Variants in GRIN2A observed in about 807,000 individuals in gnomAD.
GRIN2A encodes glutamate ionotropic receptor NMDA type subunit 2A, also known as glutamate receptor ionotropic, NMDA 2A.
Under a neutral mutation model 113.4 loss-of-function variants are expected in GRIN2A, and 22 were observed. The ratio of observed to expected loss-of-function variants is 0.19; its 90% CI spans 0.14 to 0.28. The LOEUF is 0.28. Among genes scored for constraint, GRIN2A ranks in the 10% least tolerant of loss-of-function variants. GRIN2A has a pLI of 1.00. For synonymous variants in GRIN2A, 827 were observed against 738.4 expected, an observed-to-expected ratio of 1.12 and a Z score of -1.94; for missense variants, 1,502 against 1,887.0, an observed-to-expected ratio of 0.80 and a Z score of 3.78.
chr16:9,835,928 G>A (rs1488826264), intron 7 of GRIN2A, among the ~76,000 whole-genome samples: 1 of 152,098 alleles, frequency 6.6e-6, no homozygotes, highest in Non-Finnish European at 1.5e-5. Flanking sequence ...AAAAGCAACA[G>A]GTAACACAAC....
At chr16:10,006,841 G>A (rs892611747) in intron 2 of GRIN2A, among the ~76,000 whole-genome samples, 3 of 152,018 alleles carry the variant, frequency 2.0e-5, no homozygotes, top group African/African-American at 7.2e-5. Flanking sequence ...GTGTTCAATT[G>A]TTTTAATTTT....
intron 4 of GRIN2A, among the ~76,000 whole-genome samples, chr16:9,880,744 G>T (rs2043462775): frequency 6.6e-6 from 1 of 152,284 alleles, no homozygotes; most frequent in South Asian, 2.1e-4. Context: ...GCATGGAATG[G>T]CCTCCTCACA....
chr16:9,788,865 C>T (rs1902414914), intron 11 of GRIN2A, among the ~76,000 whole-genome samples: 2 of 151,886 alleles, frequency 1.3e-5, no homozygotes, highest in South Asian at 4.2e-4. Context: ...GCCTCAGCCT[C>T]CTGAGTAGCT....
Position 9,769,124 on chromosome 16 carries a change from C to A in GRIN2A, c.2357-35G>T, listed in dbSNP as rs371731353. The A allele has an allele frequency of 1.9e-5, 28 of 1,499,418 alleles. No homozygotes were observed. In the Admixed American group the frequency reaches 4.3e-4, roughly 23 times the overall value. The allele number at this position is 1,499,418 out of a possible 1,614,324, so 92.9% of individuals were successfully genotyped here. A position where few individuals can be genotyped will look rare whatever the true frequency, so the allele number is the denominator to read the frequency against. ...TCACAACATTCACAGGCAGTGAGGA[C>A]CAGAACATGCACTTTGGGGCAGACG... On this transcript the variant is annotated intron_variant, in intron 11 of 12. Transcript: ENST00000330684.
chr16:9,880,254 G>C (rs187999087), intron 4 of GRIN2A, among the ~76,000 whole-genome samples: 2 of 152,178 alleles, frequency 1.3e-5, no homozygotes, highest in African/African-American at 4.8e-5. Flanking sequence ...ACAGTGCCTA[G>C]AGGCCCCTGC....
At chr16:10,084,441 C>G (rs2048046172) in intron 2 of GRIN2A, among the ~76,000 whole-genome samples, 1 of 152,174 alleles carries the variant, frequency 6.6e-6, no homozygotes, top group Non-Finnish European at 1.5e-5. Flanking sequence ...GGGTCCAACA[C>G]CAAGGCCACT....
In GRIN2A at chr16:9,938,499, G is replaced by A. The variant is rs763500409; in HGVS notation, c.467C>T (p.Thr156Met). 9.9e-6 allele frequency: 16 copies of A among 1,611,268 alleles called. No homozygotes were observed. Among genetic ancestry groups the A allele is most frequent in the Non-Finnish European group, 1.3e-5 (15 of 1,179,954 alleles). ...ATCCTGCATGATCTTCAGCATGACC[G>A]TGGCTTGCTGCTGGATGGACGCTCC... ...QFGASIQQQATVMLKIMQDYD... is the reference protein window; with the variant it reads ...QFGASIQQQAMVMLKIMQDYD... The change falls in exon 3 of 13, where the codon ACG (threonine) becomes ATG (methionine). Residue 156 changes from threonine (T) to methionine (M), a missense_variant. Thr to Met is a moderately conservative substitution (Grantham distance 81). Around this residue, in one of 7 missense-constraint regions of GRIN2A, gnomAD observed 334 missense variants for 403.0 expected, o/e 0.83. Coordinates refer to ENST00000330684, the MANE Select transcript of GRIN2A (RefSeq NM_001134407.3).
intron 2 of GRIN2A, among the ~76,000 whole-genome samples, chr16:9,986,317 A>G (rs771116675): frequency 2.0e-5 from 3 of 152,236 alleles, no homozygotes; most frequent in Non-Finnish European, 4.4e-5. Context: ...AAATGTATAT[A>G]CAAGCCAATC....
intron 2 of GRIN2A, among the ~76,000 whole-genome samples, chr16:9,981,868 C>T (rs1022325572): frequency 6.6e-6 from 1 of 152,252 alleles, no homozygotes; most frequent in South Asian, 2.1e-4. Flanking sequence ...CTCACTGCAA[C>T]CTCTGACTCC....
At chr16:9,939,495 C>T (rs28427191) in intron 2 of GRIN2A, among the ~76,000 whole-genome samples, 2,336 of 152,252 alleles carry the variant, frequency 0.015, 46 homozygotes, top group African/African-American at 0.054. Flanking sequence ...CCTCTATTAG[C>T]CCTAACATCT....
chr16:10,118,085 T>A (rs1030789270), intron 2 of GRIN2A, among the ~76,000 whole-genome samples: 3 of 152,198 alleles, frequency 2.0e-5, no homozygotes, highest in Non-Finnish European at 4.4e-5. Context: ...AGTTGAAGGA[T>A]GAACATCTGT....
chr16:9,991,298 G>T (rs2046108055), intron 2 of GRIN2A, among the ~76,000 whole-genome samples: 1 of 152,156 alleles, frequency 6.6e-6, no homozygotes, highest in Non-Finnish European at 1.5e-5. Context: ...CATCCCCAAG[G>T]TGGAGAACCA....
At chr16:10,125,302 G>C (rs898532446) in intron 2 of GRIN2A, among the ~76,000 whole-genome samples, 5 of 152,054 alleles carry the variant, frequency 3.3e-5, no homozygotes, top group African/African-American at 1.2e-4. Context: ...CAAACTTTTT[G>C]CATTTATTGT....
intron 2 of GRIN2A, among the ~76,000 whole-genome samples, chr16:9,971,490 C>A (rs937443792): frequency 3.3e-5 from 5 of 152,180 alleles, no homozygotes; most frequent in Non-Finnish European, 2.9e-5. Context: ...AGAAAAACCA[C>A]CTAGTAGAGC....
Position 10,031,742 on chromosome 16 carries a change from T to A in GRIN2A, c.415-93191A>T, listed in dbSNP as rs75540217. ...ACCCTGGCTTTAAAATCTTTAGTGG[T>A]TTCTTTCTGCTCTTATAGCAAAGAT... On this transcript the variant is annotated intron_variant, in intron 2 of 12. Transcript: ENST00000330684. Among the ~76,000 whole-genome samples the A allele has an allele frequency of 4.5e-3, 687 of 152,322 alleles. 1 individual carries two copies. Among genetic ancestry groups the A allele is most frequent in the African/African-American group, 0.016 (664 of 41,558 alleles).
intron 2 of GRIN2A, among the ~76,000 whole-genome samples, chr16:10,065,824 T>A (rs2047638246): frequency 1.3e-5 from 2 of 152,158 alleles, no homozygotes; most frequent in South Asian, 4.2e-4. Flanking sequence ...TGACCCTCTG[T>A]CATGACATTG....
intron 3 of GRIN2A, among the ~76,000 whole-genome samples, chr16:9,896,338 C>T (rs2043807166): frequency 6.6e-6 from 1 of 152,172 alleles, no homozygotes; most frequent in African/African-American, 2.4e-5. Flanking sequence ...CGTGAGCCAC[C>T]ATGCCCAGCC....
At chr16:10,128,480 G>A (rs929433314) in intron 2 of GRIN2A, among the ~76,000 whole-genome samples, 1 of 152,170 alleles carries the variant, frequency 6.6e-6, no homozygotes, top group Non-Finnish European at 1.5e-5. Context: ...GGCCATTACA[G>A]AATGTTGAGA....
At chr16:10,131,320 C>T (rs1449651363) in intron 2 of GRIN2A, among the ~76,000 whole-genome samples, 3 of 152,092 alleles carry the variant, frequency 2.0e-5, no homozygotes, top group South Asian at 2.1e-4. Context: ...CCTGCAGGTC[C>T]CCCATGTCCA....
Sources: allele counts gnomAD v4.1 joint callset (sites outside exome capture counted in the v4.1 genomes callset), GRCh38; gene constraint gnomAD v4.1.1; regional missense constraint gnomAD v4.1.1; transcripts MANE v1.5; gene names NCBI Gene and HGNC (gene_info 2026-07-23, HGNC 2026-07-21).